Variants in FOXP1 observed in about 807,000 individuals in gnomAD.
FOXP1 encodes the protein forkhead box protein P1.
In FOXP1, 15 loss-of-function variants were observed where a neutral mutation model predicts 98.2. The ratio of observed to expected loss-of-function variants is 0.15; its 90% CI spans 0.10 to 0.24. The LOEUF (loss-of-function observed/expected upper bound fraction) is 0.24, where lower values mean the gene tolerates loss of function less well. Among genes scored for constraint, FOXP1 ranks in the 10% least tolerant of loss-of-function variants. The pLI is 1.00. For missense variants in FOXP1, 633 were observed against 848.5 expected (o/e 0.75, Z 3.15); for synonymous variants, 371 against 314.5 (o/e 1.18, Z -1.90).
intron 2 of FOXP1, among the ~76,000 whole-genome samples, chr3:71,539,480 T>A (rs940920832): frequency 4.8e-5 from 7 of 144,578 alleles, no homozygotes; most frequent in Admixed American, 2.1e-4. Context: ...CCATATGACT[T>A]TTAGCATCAA....
intron 9 of FOXP1, 145 bp from the exon 10 acceptor site, chr3:71,047,240 GGA>G (rs2049146284): frequency 1.1e-6 from 1 of 921,942 alleles, no homozygotes; most frequent in South Asian, 1.4e-5. Flanking sequence ...GGTTTAAAAG[GGA>G]CAAAGCATAC....
At chr3:71,122,078 T>C (rs568366545) in intron 6 of FOXP1, among the ~76,000 whole-genome samples, 1 of 152,354 alleles carries the variant, frequency 6.6e-6, no homozygotes, top group African/African-American at 2.4e-5. Context: ...TAACTAGAAT[T>C]ATGCTCAAAA....
chr3:70,972,406 G>C, intron 18 of FOXP1, 149 bp downstream of exon 18: 3 of 1,180,898 alleles, frequency 2.5e-6, no homozygotes, highest in Non-Finnish European at 3.8e-6. Context: ...ATACAAAACA[G>C]GAGGGATGAA....
chr3:71,346,541 G>T (rs1364148354), intron 4 of FOXP1, among the ~76,000 whole-genome samples: 1 of 152,146 alleles, frequency 6.6e-6, no homozygotes, highest in African/African-American at 2.4e-5. Flanking sequence ...TAATAAGTCT[G>T]CTTGCTTCTA....
At chr3:71,310,674 T>C (rs922670315) in intron 4 of FOXP1, among the ~76,000 whole-genome samples, 1 of 152,230 alleles carries the variant, frequency 6.6e-6, no homozygotes, top group Non-Finnish European at 1.5e-5. Context: ...CTTTTGGTTC[T>C]CTTCTGGGCG....
intron 12 of FOXP1, among the ~76,000 whole-genome samples, chr3:71,003,951 G>A (rs914727461): frequency 6.6e-6 from 1 of 151,770 alleles, no homozygotes; most frequent in African/African-American, 2.4e-5. Context: ...CTCAACTTGG[G>A]AGTTCAGCAA....
intron 1 of FOXP1, chr3:71,582,271 G>T (rs1345675604): frequency 1.0e-6 from 1 of 984,070 alleles, no homozygotes; most frequent in Non-Finnish European, 1.2e-6. Flanking sequence ...TTCCGAGCGC[G>T]ACGTTGTCTG....
chr3:71,271,969 A>G (rs1316350684), intron 5 of FOXP1, among the ~76,000 whole-genome samples: 2 of 152,210 alleles, frequency 1.3e-5, no homozygotes, highest in African/African-American at 4.8e-5. Flanking sequence ...GAATACATAT[A>G]AGGCATTGTT....
At chr3:70,979,609 A>C (rs2038428695) in intron 14 of FOXP1, among the ~76,000 whole-genome samples, 1 of 152,080 alleles carries the variant, frequency 6.6e-6, no homozygotes, top group African/African-American at 2.4e-5. Context: ...TTACCATAGT[A>C]AGTCTATTTC....
intron 3 of FOXP1, among the ~76,000 whole-genome samples, chr3:71,401,113 A>T (rs1419278122): frequency 6.6e-6 from 1 of 152,262 alleles, no homozygotes; most frequent in Non-Finnish European, 1.5e-5. Context: ...AGAAAAGCTT[A>T]TCTGAAAACT....
chr3:71,423,972 T>A (rs2083880735), intron 3 of FOXP1, among the ~76,000 whole-genome samples: 1 of 152,210 alleles, frequency 6.6e-6, no homozygotes, highest in African/African-American at 2.4e-5. Context: ...ACATATTTAT[T>A]TTTTAGAGAC....
chr3:71,472,964 G>A (rs2089493346), intron 3 of FOXP1, among the ~76,000 whole-genome samples: 1 of 152,064 alleles, frequency 6.6e-6, no homozygotes, highest in Admixed American at 6.5e-5. Flanking sequence ...TCTCAGATGG[G>A]GAACCAAGGC....
chr3:71,235,615 G>A (rs2066703204), intron 5 of FOXP1, among the ~76,000 whole-genome samples: 1 of 151,938 alleles, frequency 6.6e-6, no homozygotes, highest in Non-Finnish European at 1.5e-5. Context: ...TGCCCAGGCT[G>A]GAGTGCAGTG....
At chr3:71,082,108 A>G (rs1383081063) in intron 7 of FOXP1, among the ~76,000 whole-genome samples, 2 of 151,866 alleles carry the variant, frequency 1.3e-5, no homozygotes, top group Non-Finnish European at 2.9e-5. Context: ...GTGAAACCTC[A>G]TCTCTACTAA....
chr3:71,575,446 C>T (rs1437632902), intron 2 of FOXP1, among the ~76,000 whole-genome samples: 3 of 152,110 alleles, frequency 2.0e-5, no homozygotes, highest in Non-Finnish European at 4.4e-5. Flanking sequence ...ATAACCTACA[C>T]ACACACACAT....
chr3:71,397,099 T>TATATGTGTATATATATACAC (rs2081576829), intron 3 of FOXP1, among the ~76,000 whole-genome samples: 1 of 55,886 alleles, frequency 1.8e-5, no homozygotes, highest in Non-Finnish European at 4.0e-5. Flanking sequence ...TATATATATA[T>TATATGTGTATATATATACAC]ACATATATAT....
intron 6 of FOXP1, among the ~76,000 whole-genome samples, chr3:71,143,011 A>G (rs1225400936): frequency 2.6e-5 from 4 of 152,132 alleles, no homozygotes; most frequent in African/African-American, 9.7e-5. Flanking sequence ...TGGTCCCACA[A>G]GGAACGACAT....
At chr3:71,297,616 ATT>A (rs33920121) in intron 5 of FOXP1, among the ~76,000 whole-genome samples, 3 of 135,204 alleles carry the variant, frequency 2.2e-5, no homozygotes. Flanking sequence ...GCTTTGTTTA[ATT>A]TTTTTTTTTT....
At chr3:71,337,735 C>A (rs1347442098) in intron 4 of FOXP1, among the ~76,000 whole-genome samples, 1 of 152,150 alleles carries the variant, frequency 6.6e-6, no homozygotes, top group South Asian at 2.1e-4. Context: ...AAACTTTCAT[C>A]TCAAGGATAA....
Sources: gnomAD v4.1 joint callset for allele counts (sites outside exome capture counted in the v4.1 genomes callset) on GRCh38, gnomAD v4.1.1 for gene constraint, MANE v1.5 for transcripts, NCBI Gene and HGNC (gene_info 2026-07-23, HGNC 2026-07-21) for gene names.